SHOX: variants seen among roughly 807,000 people sequenced by gnomAD.
SHOX encodes SHOX homeobox.
Under a neutral mutation model 29.6 loss-of-function variants are expected in SHOX, and 12 were observed. The observed-to-expected ratio is 0.41, with a 90% CI of 0.26 to 0.66. The LOEUF is 0.66. Among genes scored for constraint, SHOX ranks in the 30% least tolerant of loss-of-function variants. The pLI, the probability that SHOX is intolerant of heterozygous loss-of-function variation, is 0.35. For synonymous variants in SHOX, 214 were observed against 200.6 expected, an observed-to-expected ratio of 1.07 and a Z score of -0.57; for missense variants, 499 against 437.7, an observed-to-expected ratio of 1.14 and a Z score of -1.25.
chrX:625,756 C>G (rs1261762299), intron 1 of SHOX, among the ~76,000 whole-genome samples: 1 of 145,798 alleles, frequency 6.9e-6, no homozygotes, highest in African/African-American at 2.6e-5. Context: ...TTCTCTGTCT[C>G]TGTCTGTATC....
intron 1 of SHOX, among the ~76,000 whole-genome samples, chrX:633,335 A>G (rs2052681402): frequency 1.3e-5 from 2 of 152,012 alleles, no homozygotes; most frequent in Admixed American, 1.3e-4. Flanking sequence ...TAGAGAAATG[A>G]AGGAGGGAGA....
At chrX:629,345 TTCTC>T (rs201752824), upstream of SHOX, among the ~76,000 whole-genome samples, 1 of 140,104 alleles carries the variant, frequency 7.1e-6, no homozygotes, top group Admixed American at 7.1e-5. Flanking sequence ...TTGACTCTCT[TTCTC>T]TCTGTCTCCA....
chrX:626,981 T>C (rs1244745886), upstream of SHOX, among the ~76,000 whole-genome samples: 1 of 150,396 alleles, frequency 6.6e-6, no homozygotes, highest in Non-Finnish European at 1.5e-5. Context: ...TCTACCTCTG[T>C]CTCTCTCTCT....
intron 1 of SHOX, among the ~76,000 whole-genome samples, chrX:632,814 T>TGGAC (rs1198393255): frequency 6.6e-6 from 1 of 152,178 alleles, no homozygotes; most frequent in Admixed American, 6.5e-5. Context: ...TTGGCCTTCC[T>TGGAC]GGACGCAAGG....
chrX:630,099 A>T (rs1011184617), upstream of SHOX, among the ~76,000 whole-genome samples: 2 of 151,740 alleles, frequency 1.3e-5, no homozygotes, highest in African/African-American at 4.8e-5. Flanking sequence ...GGCGCTGGAG[A>T]CCCGGGAGGC....
chrX:626,809 C>T (rs1197325365), upstream of SHOX, among the ~76,000 whole-genome samples: 1 of 148,622 alleles, frequency 6.7e-6, no homozygotes, highest in Non-Finnish European at 1.5e-5. Context: ...ATCTCTGTCT[C>T]TCTTTCTCTC....
In SHOX at chrX:648,611, C is replaced by T. The variant is rs2052997813; in HGVS notation, c.*3975C>T. ...GTTTGATTTAATATGGAAAGAGGGC[C>T]AAGTGTCATCCTCACAAATGGGTCC... On this transcript the variant is annotated 3_prime_UTR_variant, in exon 5 of 5. Coordinates refer to ENST00000686671, the MANE Select transcript of SHOX (RefSeq NM_000451.4). 6.6e-6 allele frequency among the ~76,000 whole-genome samples: 1 copy of T among 152,170 alleles called. No individual in the cohort carries two copies.
intron 2 of SHOX, among the ~76,000 whole-genome samples, chrX:636,085 G>C (rs2052741578): frequency 1.3e-5 from 2 of 151,616 alleles, no homozygotes; most frequent in South Asian, 4.2e-4. Context: ...GGAAGATACA[G>C]ATGCATTTGA....
chrX:650,655 G>A lies in SHOX; in HGVS notation c.*6019G>A, dbSNP rs1315247532. Among the ~76,000 whole-genome samples the A allele has an allele frequency of 5.9e-4, 89 of 151,498 alleles. 1 individual carries two copies. Among genetic ancestry groups the A allele is most frequent in the African/African-American group, 2.7e-4 (11 of 41,326 alleles). ...CTCCCTTTAGCTCCACAGTTTTCCC[G>A]GGGACATAGCGAGGATGGCACACGG... On this transcript the variant is annotated 3_prime_UTR_variant, in exon 5 of 5. Transcript: ENST00000686671.
upstream of SHOX, chrX:630,710 A>G: frequency 2.9e-6 from 2 of 697,380 alleles, no homozygotes; most frequent in Non-Finnish European, 4.9e-6. Flanking sequence ...CCCGGAGACC[A>G]GTAATTGCAC....
At chrX:641,449 G>C (rs1427633869) in intron 4 of SHOX, among the ~76,000 whole-genome samples, 1 of 152,134 alleles carries the variant, frequency 6.6e-6, no homozygotes, top group Non-Finnish European at 1.5e-5. Flanking sequence ...AGCACTTTGG[G>C]AGGCCGAGGC....
intron 2 of SHOX, among the ~76,000 whole-genome samples, chrX:636,331 C>CAT (rs1006502597): frequency 5.9e-4 from 8 of 13,540 alleles, no homozygotes; most frequent in East Asian, 3.7e-3. Context: ...TATATATAAA[C>CAT]ATATAAACAT....
At position 634,844 on chromosome X, in the gene SHOX, G is replaced by C; in HGVS notation, c.486+18G>C. 6.5e-7 allele frequency: 1 copy of C among 1,549,626 alleles called. No individual in the cohort carries two copies. Among genetic ancestry groups the C allele is most frequent in the Non-Finnish European group, 8.7e-7 (1 of 1,147,430 alleles). On this transcript the variant is annotated intron_variant, in intron 2 of 4. Coordinates refer to ENST00000686671, the MANE Select transcript of SHOX (RefSeq NM_000451.4). ...GCGTGCAGGTAGGAACCCGGGGGCG[G>C]GGGCGGGGGGCCCGGAGCCATCGCC...
chrX:645,161 G>A lies in SHOX; in HGVS notation c.*525G>A, dbSNP rs1272440951. On this transcript the variant is annotated 3_prime_UTR_variant, in exon 5 of 5. Transcript: ENST00000686671. ...TGGACTTCGGAATCCCAGGAGGCAG[G>A]GGCCGGGCTCTCCTCCACCGCTCCC... The A allele has an allele frequency of 6.6e-6, 1 of 152,550 alleles. No homozygotes were observed. The highest frequency in any genetic ancestry group is 2.4e-5 in the African/African-American group (1 of 41,444). The allele number at this position is 152,550 out of a possible 1,614,324, so 9.4% of individuals were successfully genotyped here.
At position 650,792 on chromosome X, in the gene SHOX, T is replaced by TA. The variant is rs1041655715; in HGVS notation, c.*6183dup. ...GGCTTTCGGTGGACACGTTTGACATTAAAAAAAAAAAAAAAAAAAAAAAAA... is the reference window on the plus strand; with the variant it reads ...GGCTTTCGGTGGACACGTTTGACATTAAAAAAAAAAAAAAAAAAAAAAAAAA... On this transcript the variant is annotated 3_prime_UTR_variant, in exon 5 of 5. Coordinates refer to ENST00000686671, the MANE Select transcript of SHOX (RefSeq NM_000451.4). 0.092 allele frequency among the ~76,000 whole-genome samples: 4,675 copies of TA among 50,656 alleles called. 622 individuals are homozygous for TA. The highest frequency in any genetic ancestry group is 0.18 in the African/African-American group (2,574 of 14,668). The allele number at this position is 50,656 out of a possible 152,430, so 33.2% of individuals were successfully genotyped here.
intron 2 of SHOX, among the ~76,000 whole-genome samples, 183 bp downstream of exon 2, chrX:635,009 G>C (rs1174128328): frequency 6.6e-6 from 1 of 151,986 alleles, no homozygotes; most frequent in Non-Finnish European, 1.5e-5. Context: ...CTGTAGGATG[G>C]GTTCATTGCG....
chrX:655,982 A>G (rs1298816641), downstream of SHOX, among the ~76,000 whole-genome samples: 4 of 151,900 alleles, frequency 2.6e-5, no homozygotes, highest in Non-Finnish European at 5.9e-5. Flanking sequence ...GTTCAAGACC[A>G]GCCCGTGCCA....
chrX:651,673 G>A (rs959138714), downstream of SHOX, among the ~76,000 whole-genome samples: 2 of 148,570 alleles, frequency 1.3e-5, no homozygotes, highest in Non-Finnish European at 3.0e-5. Flanking sequence ...ATCCTGAGTC[G>A]GCCGTGGCTG....
At chrX:640,788 G>A (rs2052839612) in intron 2 of SHOX, 33 bp from the exon 3 acceptor site, 1 of 1,613,242 alleles carries the variant, frequency 6.2e-7, no homozygotes, top group Non-Finnish European at 8.5e-7. Context: ...GGGTTCACAG[G>A]GCTCTTCACA....
Sources: allele counts gnomAD v4.1 joint callset (sites outside exome capture counted in the v4.1 genomes callset), GRCh38; gene constraint gnomAD v4.1.1; transcripts MANE v1.5; gene names NCBI Gene and HGNC (gene_info 2026-07-23, HGNC 2026-07-21).